Variants in LHFPL3 observed in about 807,000 individuals in gnomAD.
The protein encoded by LHFPL3 is LHFPL tetraspan subfamily member 3, also known as LHFPL tetraspan subfamily member 3 protein.
Under a neutral mutation model 19.3 loss-of-function variants are expected in LHFPL3, and 5 were observed. That is an observed-to-expected ratio of 0.26 (90% CI 0.14 to 0.54). The LOEUF is 0.54. Among genes scored for constraint, LHFPL3 ranks in the 20% least tolerant of loss-of-function variants. LHFPL3 has a pLI of 0.94. For missense variants in LHFPL3, 249 were observed against 307.4 expected (o/e 0.81, Z 1.42); for synonymous variants, 133 against 126.2 (o/e 1.05, Z -0.36).
At chr7:104,829,439 C>T (rs1419848200) in intron 2 of LHFPL3, among the ~76,000 whole-genome samples, 1 of 151,690 alleles carries the variant, frequency 6.6e-6, no homozygotes, top group Non-Finnish European at 1.5e-5. Flanking sequence ...ATTAACTTGT[C>T]ATTTAGCATT....
intron 1 of LHFPL3, among the ~76,000 whole-genome samples, chr7:104,602,963 T>C (rs1415723144): frequency 6.6e-6 from 1 of 152,180 alleles, no homozygotes; most frequent in African/African-American, 2.4e-5. Context: ...TTATTAATCA[T>C]ATTCATGAGG....
rs189322430 is a variant in LHFPL3 at position 104,464,485 on chromosome 7, T to C, written c.445+135261T>C. Among the ~76,000 whole-genome samples the C allele has an allele frequency of 6.6e-4, 100 of 152,362 alleles. 1 individual carries two copies. The highest frequency in any genetic ancestry group is 5.6e-3 in the Admixed American group (85 of 15,308). On this transcript the variant is annotated intron_variant, in intron 1 of 2. Transcript: ENST00000424859. ...TTCTTCACTGCCCTAGCAGAGGTTC[T>C]CTGTGAGGGTTCCACCCCTGAAGCA... is the stretch of plus-strand genomic sequence containing the variant.
At chr7:104,485,225 A>G (rs1340815154) in intron 1 of LHFPL3, among the ~76,000 whole-genome samples, 1 of 152,098 alleles carries the variant, frequency 6.6e-6, no homozygotes, top group East Asian at 1.9e-4. Context: ...ACTAAAAGAG[A>G]TATATTTTAT....
Position 104,444,243 on chromosome 7 carries a change from T to C in LHFPL3, c.445+115019T>C, listed in dbSNP as rs112756472. On this transcript the variant is annotated intron_variant, in intron 1 of 2. Coordinates refer to ENST00000424859, the MANE Select transcript of LHFPL3 (RefSeq NM_199000.3). ...TTCACTATTCATTAAAGAAAATCCATGCATGTTGGCTCTGGCCAGGTGCAC... is the reference window on the plus strand; with the variant it reads ...TTCACTATTCATTAAAGAAAATCCACGCATGTTGGCTCTGGCCAGGTGCAC... Among the ~76,000 whole-genome samples the C allele has an allele frequency of 2.2e-3, 333 of 152,304 alleles. 1 individual carries two copies. The highest frequency in any genetic ancestry group is 7.4e-3 in the African/African-American group (308 of 41,572).
chr7:104,780,144 C>A (rs78713558), intron 2 of LHFPL3, among the ~76,000 whole-genome samples: 1 of 152,170 alleles, frequency 6.6e-6, no homozygotes, highest in Non-Finnish European at 1.5e-5. Flanking sequence ...AGGCAGAGCT[C>A]CCTCATCCAC....
intron 2 of LHFPL3, among the ~76,000 whole-genome samples, chr7:104,827,575 A>G (rs1790849138): frequency 6.6e-6 from 1 of 151,226 alleles, no homozygotes; most frequent in Non-Finnish European, 1.5e-5. Flanking sequence ...GCACATGTTC[A>G]GTATTTAAAC....
chr7:104,430,383 CATATATATATAT>C (rs1176189742), intron 1 of LHFPL3, among the ~76,000 whole-genome samples: 2 of 39,702 alleles, frequency 5.0e-5, no homozygotes, highest in Non-Finnish European at 8.0e-5. Flanking sequence ...TATATATATA[CATATATATATAT>C]ATATATATAC....
At position 104,573,787 on chromosome 7, in the gene LHFPL3, C is replaced by A. The variant is rs116716729; in HGVS notation, c.446-162888C>A. 7.7e-3 allele frequency among the ~76,000 whole-genome samples: 1,177 copies of A among 152,326 alleles called. 11 individuals are homozygous for A. Among genetic ancestry groups the A allele is most frequent in the African/African-American group, 0.027 (1,116 of 41,570 alleles). On this transcript the variant is annotated intron_variant, in intron 1 of 2. Transcript: ENST00000424859. ...CAGTCCCCTCTTCTCTCAACATTAT[C>A]ATTTATTCTGGTCGCAATGCTTTGC... is the stretch of plus-strand genomic sequence containing the variant.
At chr7:104,842,282 C>T (rs1035562234) in intron 2 of LHFPL3, among the ~76,000 whole-genome samples, 1 of 112,602 alleles carries the variant, frequency 8.9e-6, no homozygotes, top group African/African-American at 3.5e-5. Flanking sequence ...AGCGGTAGAA[C>T]CTTTTGCGGG....
At chr7:104,881,913 A>T (rs1792065098) in intron 2 of LHFPL3, among the ~76,000 whole-genome samples, 2 of 152,070 alleles carry the variant, frequency 1.3e-5, no homozygotes. Flanking sequence ...TACCAGCAAA[A>T]ATTCGTTCAT....
At chr7:104,640,490 A>G (rs918084358) in intron 1 of LHFPL3, among the ~76,000 whole-genome samples, 1 of 152,152 alleles carries the variant, frequency 6.6e-6, no homozygotes, top group African/African-American at 2.4e-5. Context: ...CATGGTGTAT[A>G]TGTGTCACAT....
At chr7:104,678,221 G>T (rs1792628190) in intron 1 of LHFPL3, among the ~76,000 whole-genome samples, 1 of 152,048 alleles carries the variant, frequency 6.6e-6, no homozygotes, top group African/African-American at 2.4e-5. Flanking sequence ...TTTGGTTGTT[G>T]TTATAAAGTG....
chr7:104,403,160 AT>A (rs1178087308), intron 1 of LHFPL3, among the ~76,000 whole-genome samples: 2 of 152,364 alleles, frequency 1.3e-5, no homozygotes, highest in East Asian at 3.8e-4. Context: ...AAACCTGCAC[AT>A]TCACACATGT....
chr7:104,337,179 AAACAAAC>A (rs1436248103), intron 1 of LHFPL3, among the ~76,000 whole-genome samples: 1 of 151,628 alleles, frequency 6.6e-6, no homozygotes, highest in East Asian at 2.1e-4. Context: ...GTATTAAAAC[AAACAAAC>A]AACAACAACA....
chr7:104,355,839 C>A (rs1790262616), intron 1 of LHFPL3, among the ~76,000 whole-genome samples: 2 of 152,290 alleles, frequency 1.3e-5, no homozygotes, highest in South Asian at 4.2e-4. Context: ...TAGTAAAAAT[C>A]TTTAAATCTG....
At chr7:104,568,223 G>A (rs1204074242) in intron 1 of LHFPL3, among the ~76,000 whole-genome samples, 2 of 152,196 alleles carry the variant, frequency 1.3e-5, no homozygotes, top group African/African-American at 4.8e-5. Context: ...TACTGACTTG[G>A]TAGGTATGGA....
chr7:104,506,265 C>T (rs868406783), intron 1 of LHFPL3, among the ~76,000 whole-genome samples: 2 of 152,026 alleles, frequency 1.3e-5, no homozygotes, highest in Non-Finnish European at 2.9e-5. Context: ...CCAACCCCAC[C>T]GCCGCAATAC....
intron 2 of LHFPL3, among the ~76,000 whole-genome samples, chr7:104,869,744 C>T (rs1791796053): frequency 6.6e-6 from 1 of 152,150 alleles, no homozygotes; most frequent in African/African-American, 2.4e-5. Flanking sequence ...TTACTGGGTA[C>T]ATACCCAGAG....
chr7:104,461,240 C>A lies in LHFPL3; in HGVS notation c.445+132016C>A, dbSNP rs573014628. Among the ~76,000 whole-genome samples, 5 of 152,272 alleles carry A rather than the reference C, an allele frequency of 3.3e-5. No individual in the cohort carries two copies. In the South Asian group the frequency reaches 8.3e-4, roughly 25 times the overall value. Reference sequence around the variant, plus strand: ...CCTGAGAACTCACTATTACGAGAACCGTGTGGGGGAAACTGCCTCCATGAT... The same window carrying A: ...CCTGAGAACTCACTATTACGAGAACAGTGTGGGGGAAACTGCCTCCATGAT... On this transcript the variant is annotated intron_variant, in intron 1 of 2. Transcript: ENST00000424859.
Sources: gnomAD v4.1 joint callset for allele counts (sites outside exome capture counted in the v4.1 genomes callset) on GRCh38, gnomAD v4.1.1 for gene constraint, MANE v1.5 for transcripts, NCBI Gene and HGNC (gene_info 2026-07-23, HGNC 2026-07-21) for gene names.